CLEC2A: variants seen among roughly 807,000 people sequenced by gnomAD.
The protein encoded by CLEC2A is keratinocyte-associated C-type lectin.
A neutral mutation model predicts 18.6 loss-of-function variants in CLEC2A; 19 were observed. That is an observed-to-expected ratio of 1.02 (90% CI 0.71 to 1.50). The LOEUF is 1.50. CLEC2A is among the 40% of genes most tolerant of loss of function. The probability of loss-of-function intolerance (pLI) is 0.00; values close to 1 mark genes in which losing one functional copy is unlikely to be tolerated. For missense variants in CLEC2A, 190 were observed against 207.9 expected (o/e 0.91, Z 0.53); for synonymous variants, 74 against 64.0 (o/e 1.16, Z -0.75).
chr12:9,890,936 G>A, the CLEC2A span, among the ~76,000 whole-genome samples: 3 of 152,016 alleles, frequency 2.0e-5, no homozygotes, highest in African/African-American at 7.2e-5. Flanking sequence ...GCATTAAAAT[G>A]TCTTTTTTTC....
intron 4 of CLEC2A, among the ~76,000 whole-genome samples, chr12:9,905,797 C>A (rs527527920): frequency 6.6e-6 from 1 of 152,152 alleles, no homozygotes; most frequent in Non-Finnish European, 1.5e-5. Context: ...TTAATCCAAG[C>A]TTAGGTATAA....
the CLEC2A span, among the ~76,000 whole-genome samples, chr12:9,891,771 TTAGGTCATAA>T: frequency 6.6e-6 from 1 of 152,138 alleles, no homozygotes; most frequent in African/African-American, 2.4e-5. Flanking sequence ...GAATCTAAAT[TTAGGTCATAA>T]TAACCTTCTT....
At chr12:9,880,505 A>T in the CLEC2A span, among the ~76,000 whole-genome samples, 81 of 151,546 alleles carry the variant, frequency 5.3e-4, 2 homozygotes, top group South Asian at 0.016. Context: ...ACGTAGCAGA[A>T]ACAGAACCAT....
chr12:9,922,894 A>G (rs1274435017), intron 2 of CLEC2A, among the ~76,000 whole-genome samples: 1 of 152,186 alleles, frequency 6.6e-6, no homozygotes, highest in Non-Finnish European at 1.5e-5. Context: ...CAAACTCCAA[A>G]GGCTGCACCC....
At chr12:9,881,534 A>G in the CLEC2A span, 1 of 1,216,112 alleles carries the variant, frequency 8.2e-7, no homozygotes, top group Admixed American at 2.0e-5. Context: ...TCCAAGGTTG[A>G]GATTAGTTTC....
chr12:9,916,916 C>T, intron 3 of CLEC2A, 113 bp from the exon 4 acceptor site: 2 of 662,074 alleles, frequency 3.0e-6, no homozygotes, highest in Non-Finnish European at 5.4e-6. Flanking sequence ...AATTTGTCTT[C>T]CCTGATGCTT....
At position 9,926,252 on chromosome 12, in the gene CLEC2A, C is replaced by T. The variant is rs1863269830; in HGVS notation, c.139+8G>A. ...AACCATAGAAAGTGTATGAATTAAACCACTCACCTATCATAATAATGCAAA... is the reference window on the plus strand; with the variant it reads ...AACCATAGAAAGTGTATGAATTAAATCACTCACCTATCATAATAATGCAAA... On this transcript the variant is annotated splice_region_variant and intron_variant, in intron 2 of 4. Transcript: ENST00000455827. 1 of 1,491,940 alleles carries T rather than the reference C, an allele frequency of 6.7e-7. No homozygotes were observed. The highest frequency in any genetic ancestry group is 1.4e-5 in the African/African-American group (1 of 71,890). 92.4% of individuals were successfully genotyped at this position (1,491,940 alleles called of 1,614,324 possible).
chr12:9,920,403 A>T (rs1463327590), intron 3 of CLEC2A, among the ~76,000 whole-genome samples: 1 of 152,176 alleles, frequency 6.6e-6, no homozygotes, highest in East Asian at 1.9e-4. Flanking sequence ...GAGTTGGTTT[A>T]CAAGGGGATC....
intron 4 of CLEC2A, among the ~76,000 whole-genome samples, chr12:9,907,607 G>A (rs904010794): frequency 6.6e-6 from 1 of 152,142 alleles, no homozygotes; most frequent in African/African-American, 2.4e-5. Flanking sequence ...TGGTTAAGAA[G>A]GTGTGTAGAG....
At chr12:9,924,757 G>A (rs768223236) in intron 2 of CLEC2A, among the ~76,000 whole-genome samples, 3 of 152,070 alleles carry the variant, frequency 2.0e-5, no homozygotes, top group Non-Finnish European at 4.4e-5. Flanking sequence ...TAGTGAAGGA[G>A]TTCAGAACAT....
downstream of CLEC2A, chr12:9,913,124 A>T (rs150376684): frequency 5.0e-4 from 90 of 180,038 alleles, no homozygotes; most frequent in African/African-American, 2.1e-3. Flanking sequence ...TTTTTCACGA[A>T]CCTACTATTT....
At chr12:9,895,914 C>T, downstream of CLEC2A, 2 of 1,350,476 alleles carry the variant, frequency 1.5e-6, no homozygotes, top group South Asian at 3.3e-5. Context: ...GATAAAGTTT[C>T]TAACAGAAAG....
At chr12:9,883,927 G>C in the CLEC2A span, among the ~76,000 whole-genome samples, 4 of 152,150 alleles carry the variant, frequency 2.6e-5, no homozygotes, top group African/African-American at 9.7e-5. Context: ...CAACCAAGGT[G>C]ATGAAATTAA....
chr12:9,904,204 C>G (rs947944581), intron 4 of CLEC2A, among the ~76,000 whole-genome samples: 3 of 152,148 alleles, frequency 2.0e-5, no homozygotes, highest in African/African-American at 7.2e-5. Flanking sequence ...GGATGGACCT[C>G]GGGGACTGAC....
At chr12:9,879,730 TAC>T in the CLEC2A span, among the ~76,000 whole-genome samples, 1 of 152,204 alleles carries the variant, frequency 6.6e-6, no homozygotes, top group Non-Finnish European at 1.5e-5. Context: ...GCAGTAAACC[TAC>T]TACATATTTT....
intron 4 of CLEC2A, among the ~76,000 whole-genome samples, chr12:9,902,354 C>T (rs1862842868): frequency 6.6e-6 from 1 of 151,728 alleles, no homozygotes; most frequent in African/African-American, 2.4e-5. Flanking sequence ...CTGCCTCAGC[C>T]CCCAAGTAGC....
chr12:9,904,122 C>G (rs932489014), intron 4 of CLEC2A, among the ~76,000 whole-genome samples: 4 of 152,284 alleles, frequency 2.6e-5, no homozygotes, highest in Admixed American at 1.3e-4. Context: ...CCCTTTAGGT[C>G]TCCCAGAAAT....
At chr12:9,879,625 A>T in the CLEC2A span, among the ~76,000 whole-genome samples, 1 of 152,196 alleles carries the variant, frequency 6.6e-6, no homozygotes, top group Admixed American at 6.5e-5. Flanking sequence ...AATCATCTTG[A>T]TATAGCTCCC....
the CLEC2A span, chr12:9,888,606 T>A: frequency 1.8e-6 from 1 of 558,164 alleles, no homozygotes; most frequent in Non-Finnish European, 3.2e-6. Context: ...AGTGGATGCA[T>A]AGGAGAAGAG....
Sources: gnomAD v4.1 joint callset for allele counts (sites outside exome capture counted in the v4.1 genomes callset) on GRCh38, gnomAD v4.1.1 for gene constraint, MANE v1.5 for transcripts, NCBI Gene and HGNC (gene_info 2026-07-23, HGNC 2026-07-21) for gene names.